PIK3R3: variants seen among roughly 807,000 people sequenced by gnomAD.
PIK3R3 encodes phosphatidylinositol 3-kinase regulatory subunit gamma.
PIK3R3 carries 64 observed loss-of-function variants against 62.9 expected under a neutral mutation model. That is an observed-to-expected ratio of 1.02 (90% CI 0.83 to 1.25). The LOEUF (loss-of-function observed/expected upper bound fraction) is 1.25, where lower values mean the gene tolerates loss of function less well. PIK3R3 is among the 50% of genes most tolerant of loss of function. PIK3R3 has a pLI of 0.00. For missense variants in PIK3R3, 614 were observed against 561.6 expected, an observed-to-expected ratio of 1.09 and a Z score of -0.94; for synonymous variants, 165 against 189.0, an observed-to-expected ratio of 0.87 and a Z score of 1.04.
the PIK3R3 span, among the ~76,000 whole-genome samples, chr1:46,168,310 T>C: frequency 6.6e-6 from 1 of 152,202 alleles, no homozygotes; most frequent in Non-Finnish European, 1.5e-5. Flanking sequence ...GTGTGTCTGC[T>C]AGTCTGTTTT....
chr1:46,128,809 G>A (rs976019020), intron 1 of PIK3R3, among the ~76,000 whole-genome samples: 2 of 152,088 alleles, frequency 1.3e-5, no homozygotes, highest in African/African-American at 2.4e-5. Flanking sequence ...GGCCAGGCGC[G>A]GGGTCTCACG....
the PIK3R3 span, among the ~76,000 whole-genome samples, chr1:46,161,914 A>C: frequency 2.0e-5 from 3 of 151,288 alleles, no homozygotes; most frequent in Non-Finnish European, 4.4e-5. Flanking sequence ...AACATGGTGA[A>C]ACCCTGTCTC....
chr1:46,047,629 G>C (rs1170413675), intron 7 of PIK3R3, among the ~76,000 whole-genome samples: 1 of 152,140 alleles, frequency 6.6e-6, no homozygotes. Flanking sequence ...CTATCATTCA[G>C]GTTTCATCAT....
chr1:46,068,533 G>A (rs929258992), intron 3 of PIK3R3, among the ~76,000 whole-genome samples: 1 of 152,156 alleles, frequency 6.6e-6, no homozygotes, highest in South Asian at 2.1e-4. Flanking sequence ...AAATAAAGCA[G>A]AGTAAAGGGA....
Position 46,131,976 on chromosome 1 carries a change from A to G in PIK3R3, c.-24T>C, listed in dbSNP as rs1476770502. On this transcript the variant is annotated 5_prime_UTR_variant, in exon 1 of 10. Coordinates refer to ENST00000262741, the MANE Select transcript of PIK3R3 (RefSeq NM_003629.4). ...ATCGCGCTGTCAGGGGCAGGTCGCC[A>G]GGAGATATATAGAAGGCATATATTT... 1 of 1,612,034 alleles carries G rather than the reference A, an allele frequency of 6.2e-7. No homozygotes were observed. The highest frequency in any genetic ancestry group is 8.5e-7 in the Non-Finnish European group (1 of 1,179,456).
At chr1:46,090,203 C>T (rs1651482742) in intron 1 of PIK3R3, among the ~76,000 whole-genome samples, 1 of 152,140 alleles carries the variant, frequency 6.6e-6, no homozygotes, top group African/African-American at 2.4e-5. Context: ...ATTATCTCAC[C>T]TCTCTGAACC....
At chr1:46,081,763 T>C (rs889690956) in intron 1 of PIK3R3, among the ~76,000 whole-genome samples, 1 of 152,060 alleles carries the variant, frequency 6.6e-6, no homozygotes, top group Admixed American at 6.6e-5. Flanking sequence ...TTTGAAGAAA[T>C]TGCTGATTCC....
intron 1 of PIK3R3, among the ~76,000 whole-genome samples, chr1:46,090,312 TTTTATTTA>T (rs34068212): frequency 2.6e-4 from 38 of 148,562 alleles, no homozygotes; most frequent in South Asian, 1.1e-3. Context: ...ACGCAGTCTT[TTTTATTTA>T]TTTATTTATT....
At chr1:46,085,967 T>C (rs1651012728) in intron 1 of PIK3R3, among the ~76,000 whole-genome samples, 1 of 152,226 alleles carries the variant, frequency 6.6e-6, no homozygotes, top group Admixed American at 6.5e-5. Context: ...CTCGATCTCC[T>C]GGCCTCAAGT....
At chr1:46,146,686 TACACACACACACACAC>T in the PIK3R3 span, among the ~76,000 whole-genome samples, 2,079 of 92,828 alleles carry the variant, frequency 0.022, 84 homozygotes, top group Non-Finnish European at 0.025. Context: ...CCTCCAACTC[TACACACACACACACAC>T]ACACACACAC....
At chr1:46,165,221 C>T in the PIK3R3 span, among the ~76,000 whole-genome samples, 1 of 152,018 alleles carries the variant, frequency 6.6e-6, no homozygotes, top group Non-Finnish European at 1.5e-5. Context: ...GTTCTTATTG[C>T]TGCCATTTAG....
At chr1:46,047,708 A>G (rs1380283228) in intron 7 of PIK3R3, among the ~76,000 whole-genome samples, 1 of 152,088 alleles carries the variant, frequency 6.6e-6, no homozygotes, top group Admixed American at 6.6e-5. Flanking sequence ...CACTCTCTAC[A>G]CTTTACCTTG....
chr1:46,063,906 T>C (rs1648749068), intron 5 of PIK3R3, among the ~76,000 whole-genome samples: 1 of 152,228 alleles, frequency 6.6e-6, no homozygotes. Context: ...AAATCACAGA[T>C]AAGCTTCTTA....
the PIK3R3 span, among the ~76,000 whole-genome samples, chr1:46,148,155 A>T: frequency 6.6e-6 from 1 of 152,224 alleles, no homozygotes; most frequent in Non-Finnish European, 1.5e-5. Flanking sequence ...CCTTTCACTG[A>T]GATCAAGCAA....
the PIK3R3 span, among the ~76,000 whole-genome samples, chr1:46,168,601 A>G: frequency 1.6e-3 from 243 of 152,328 alleles, no homozygotes; most frequent in Middle Eastern, 3.4e-3. Context: ...GGCAGGGCAG[A>G]GCCGGGCTGG....
chr1:46,153,368 T>C, the PIK3R3 span, among the ~76,000 whole-genome samples: 1 of 152,204 alleles, frequency 6.6e-6, no homozygotes, highest in Admixed American at 6.5e-5. Context: ...AATAAGTTCT[T>C]GAATGGCTAG....
At position 46,043,214 on chromosome 1, in the gene PIK3R3, C is replaced by G. The variant is rs886170983; in HGVS notation, c.*459G>C. 2.6e-5 allele frequency: 6 copies of G among 233,072 alleles called. No homozygotes were observed. Among genetic ancestry groups the G allele is most frequent in the Non-Finnish European group, 8.5e-6 (1 of 117,860 alleles). 14.4% of individuals were successfully genotyped at this position (233,072 alleles called of 1,614,324 possible). On this transcript the variant is annotated 3_prime_UTR_variant, in exon 10 of 10. Coordinates refer to ENST00000262741, the MANE Select transcript of PIK3R3 (RefSeq NM_003629.4). ...ATCAAATCCCATTCTATCACAAAACCTAAACAGCCTTCTTCGTGGGGGGAA... is the reference window on the plus strand; with the variant it reads ...ATCAAATCCCATTCTATCACAAAACGTAAACAGCCTTCTTCGTGGGGGGAA...
rs1339770443 is a variant in PIK3R3 at position 46,074,294 on chromosome 1, A to C, written c.314+3221T>G. The stretch of plus-strand genomic sequence containing the variant: ...ACAGAGCTAGACTCCGTCAAAAAAA[A>C]AAAAAAAAAAAAAAAAAAAAAAACC... On this transcript the variant is annotated intron_variant, in intron 3 of 9. Transcript: ENST00000262741. Among the ~76,000 whole-genome samples the C allele has an allele frequency of 5.6e-3, 760 of 135,448 alleles. 24 individuals carry two copies. The highest frequency in any genetic ancestry group is 0.021 in the African/African-American group (734 of 35,752). The allele number at this position is 135,448 out of a possible 152,430, so 88.9% of individuals were successfully genotyped here.
intron 7 of PIK3R3, 72 bp from the exon 8 acceptor site, chr1:46,046,697 A>C (rs1647126737): frequency 9.5e-7 from 1 of 1,053,658 alleles, no homozygotes. Context: ...TGTCTGAGCC[A>C]ACTAAACTTC....
Sources: gnomAD v4.1 joint callset for allele counts (sites outside exome capture counted in the v4.1 genomes callset) on GRCh38, gnomAD v4.1.1 for gene constraint, MANE v1.5 for transcripts, NCBI Gene and HGNC (gene_info 2026-07-23, HGNC 2026-07-21) for gene names.